SERPINI1: variants seen among roughly 807,000 people sequenced by gnomAD.
The protein encoded by SERPINI1 is serpin family I member 1.
A neutral mutation model predicts 41.1 loss-of-function variants in SERPINI1; 19 were observed. That is an observed-to-expected ratio of 0.46 (90% CI 0.32 to 0.68). The LOEUF (loss-of-function observed/expected upper bound fraction) is 0.68. Among genes scored for constraint, SERPINI1 ranks in the 30% least tolerant of loss-of-function variants. SERPINI1 has a pLI of 0.03. For synonymous variants in SERPINI1, 138 were observed against 156.6 expected (o/e 0.88, Z 0.89); for missense variants, 460 against 479.2 (o/e 0.96, Z 0.37).
chr3:167,759,551 C>T (rs1182163682), intron 1 of SERPINI1, among the ~76,000 whole-genome samples: 1 of 151,852 alleles, frequency 6.6e-6, no homozygotes, highest in African/African-American at 2.4e-5. Flanking sequence ...AATATTCTCA[C>T]TTATAAGTCA....
intron 6 of SERPINI1, among the ~76,000 whole-genome samples, chr3:167,813,922 T>G (rs1711980506): frequency 6.6e-6 from 1 of 152,194 alleles, no homozygotes; most frequent in Admixed American, 6.5e-5. Context: ...CTTTGGGTCC[T>G]TAAGCATGCC....
chr3:167,810,439 A>T (rs1480062941), intron 6 of SERPINI1, among the ~76,000 whole-genome samples: 1 of 152,162 alleles, frequency 6.6e-6, no homozygotes, highest in Non-Finnish European at 1.5e-5. Context: ...AGTCACATGA[A>T]TTTTTTGTTT....
intron 4 of SERPINI1, among the ~76,000 whole-genome samples, chr3:167,794,082 C>T (rs1182118301): frequency 6.6e-6 from 1 of 152,026 alleles, no homozygotes; most frequent in East Asian, 1.9e-4. Flanking sequence ...TCTTAAAAAT[C>T]AGGTGAATAT....
chr3:167,747,938 T>G (rs957095626), intron 1 of SERPINI1, among the ~76,000 whole-genome samples: 13 of 147,546 alleles, frequency 8.8e-5, no homozygotes, highest in Admixed American at 2.0e-4. Context: ...TGTTTTGTTG[T>G]TTTTTTTTTA....
rs1350662337 is a variant in SERPINI1 at position 167,785,936 on chromosome 3, A to C, written c.-18-3175A>C. Among the ~76,000 whole-genome samples the C allele has an allele frequency of 2.0e-5, 3 of 152,352 alleles. No individual in the cohort carries two copies. The East Asian group carries it at 5.8e-4, about 29-fold the overall frequency. ...ACTTATTGCCTAATGACAGAGATAT[A>C]TTTGAACAAATGAGTCATTAGGCAA... On this transcript the variant is annotated intron_variant, in intron 1 of 8. Transcript: ENST00000446050.
At chr3:167,750,640 T>C (rs1726013628) in intron 1 of SERPINI1, among the ~76,000 whole-genome samples, 1 of 152,202 alleles carries the variant, frequency 6.6e-6, no homozygotes, top group Non-Finnish European at 1.5e-5. Context: ...CATCCATACA[T>C]TATCACCCTT....
chr3:167,815,788 G>A (rs996106817), intron 6 of SERPINI1, among the ~76,000 whole-genome samples: 1 of 152,218 alleles, frequency 6.6e-6, no homozygotes, highest in African/African-American at 2.4e-5. Flanking sequence ...GTAGACATTT[G>A]CTATCCCTCA....
intron 5 of SERPINI1, among the ~76,000 whole-genome samples, chr3:167,801,707 A>T (rs545574525): frequency 6.6e-5 from 10 of 152,198 alleles, no homozygotes; most frequent in Non-Finnish European, 1.5e-5. Context: ...CATAGTAAGC[A>T]CTCAATATAT....
intron 1 of SERPINI1, among the ~76,000 whole-genome samples, chr3:167,783,736 A>C (rs1156244654): frequency 6.6e-6 from 1 of 152,184 alleles, no homozygotes; most frequent in Non-Finnish European, 1.5e-5. Flanking sequence ...AGCAGAGGCA[A>C]AGGAGGGAGC....
At position 167,803,395 on chromosome 3, in the gene SERPINI1, G is replaced by T. The variant is rs1260189824; in HGVS notation, c.882-3849G>T. ...AATCAAATTACACCAATTACTACTGGAATGCAAACATACGACACCCTAACA... is the reference window on the plus strand; with the variant it reads ...AATCAAATTACACCAATTACTACTGTAATGCAAACATACGACACCCTAACA... On this transcript the variant is annotated intron_variant, in intron 5 of 8. Coordinates refer to ENST00000446050, the MANE Select transcript of SERPINI1 (RefSeq NM_001122752.2). 3.3e-5 allele frequency among the ~76,000 whole-genome samples: 5 copies of T among 152,102 alleles called. No homozygotes were observed. The East Asian group carries it at 9.6e-4, about 29-fold the overall frequency.
Position 167,789,195 on chromosome 3 carries a change from G to A in SERPINI1, c.67G>A (p.Glu23Lys). The A allele has an allele frequency of 6.2e-7, 1 of 1,614,128 alleles. No individual in the cohort carries two copies. Among genetic ancestry groups the A allele is most frequent in the East Asian group, 2.2e-5 (1 of 44,878 alleles). ...QSMATGATFPEEAIADLSVNM... is the reference protein window; with the variant it reads ...QSMATGATFPKEAIADLSVNM... ...TATGGCTACAGGGGCCACTTTCCCT[G>A]AGGAAGCCATTGCTGACTTGTCAGT... The change falls in exon 2 of 9, where the codon GAG becomes AAG. Residue 23 changes from glutamate to lysine, a missense_variant. Glu to Lys is a moderately conservative substitution (Grantham distance 56). Coordinates refer to ENST00000446050, the MANE Select transcript of SERPINI1 (RefSeq NM_001122752.2).
chr3:167,780,500 A>G (rs1218181340), intron 1 of SERPINI1, among the ~76,000 whole-genome samples: 3 of 152,184 alleles, frequency 2.0e-5, no homozygotes, highest in African/African-American at 7.2e-5. Flanking sequence ...AGACTGACAA[A>G]TCCTTCTGCC....
At chr3:167,782,387 A>G (rs74560198) in intron 1 of SERPINI1, among the ~76,000 whole-genome samples, 1,555 of 152,250 alleles carry the variant, frequency 0.01, 26 homozygotes, top group African/African-American at 0.036. Flanking sequence ...GAGAAGAAAA[A>G]ATTGAGCTGC....
At chr3:167,807,397 G>A (rs1711686241) in intron 6 of SERPINI1, 56 bp downstream of exon 6, 5 of 1,128,010 alleles carry the variant, frequency 4.4e-6, no homozygotes, top group Middle Eastern at 2.6e-4. Context: ...TTTATTAAAT[G>A]ATGATATTAA....
chr3:167,794,181 A>G (rs1727636574), intron 4 of SERPINI1, among the ~76,000 whole-genome samples: 1 of 151,134 alleles, frequency 6.6e-6, no homozygotes, highest in South Asian at 2.1e-4. Flanking sequence ...CACTTCAGAT[A>G]TATTGAATTA....
intron 6 of SERPINI1, among the ~76,000 whole-genome samples, chr3:167,814,074 G>A (rs951082841): frequency 3.3e-5 from 5 of 152,118 alleles, no homozygotes; most frequent in African/African-American, 1.2e-4. Context: ...AATAACCTGT[G>A]TCAAATAGCT....
chr3:167,794,837 T>G lies in SERPINI1; in HGVS notation c.881+13T>G, dbSNP rs372395802. 6 of 1,609,156 alleles carry G rather than the reference T, an allele frequency of 3.7e-6. No homozygotes were observed. Among genetic ancestry groups the G allele is most frequent in the East Asian group, 2.2e-5 (1 of 44,850 alleles). ...TATACCTGCCCAGGTATGAGGTTCC[T>G]GTGTCACCCGTCCCACAGCATGGAC... is the stretch of plus-strand genomic sequence containing the variant. On this transcript the variant is annotated intron_variant, in intron 5 of 8. Coordinates refer to ENST00000446050, the MANE Select transcript of SERPINI1 (RefSeq NM_001122752.2).
At chr3:167,798,436 A>G (rs1019215862) in intron 5 of SERPINI1, among the ~76,000 whole-genome samples, 1 of 152,166 alleles carries the variant, frequency 6.6e-6, no homozygotes, top group Non-Finnish European at 1.5e-5. Flanking sequence ...TATATGTTAC[A>G]ATAATCAGTG....
At chr3:167,809,893 C>T (rs73878781) in intron 6 of SERPINI1, among the ~76,000 whole-genome samples, 2,265 of 152,176 alleles carry the variant, frequency 0.015, 41 homozygotes, top group African/African-American at 0.052. Context: ...TTCTCAAATA[C>T]CACCCCATTC....
Sources: allele counts gnomAD v4.1 joint callset (sites outside exome capture counted in the v4.1 genomes callset), GRCh38; gene constraint gnomAD v4.1.1; transcripts MANE v1.5; gene names NCBI Gene and HGNC (gene_info 2026-07-23, HGNC 2026-07-21).